DIABLO: variants seen among roughly 807,000 people sequenced by gnomAD.
DIABLO encodes the protein diablo homolog, mitochondrial.
In DIABLO, 32 loss-of-function variants were observed where a neutral mutation model predicts 31.7. The observed-to-expected ratio is 1.01, with a 90% CI of 0.76 to 1.35. The LOEUF is 1.35. DIABLO is among the 40% of genes most tolerant of loss of function. The pLI is 0.00. For missense variants in DIABLO, 316 were observed against 286.4 expected, an observed-to-expected ratio of 1.10 and a Z score of -0.75; for synonymous variants, 132 against 103.2, an observed-to-expected ratio of 1.28 and a Z score of -1.69.
chr12:122,223,598 G>A (rs1954382355), intron 2 of DIABLO, among the ~76,000 whole-genome samples: 1 of 152,104 alleles, frequency 6.6e-6, no homozygotes, highest in South Asian at 2.1e-4. Context: ...TTAGCTCCAT[G>A]CTCCTCAGAC....
chr12:122,221,685 A>G (rs1954337794), intron 2 of DIABLO: 1 of 152,204 alleles, frequency 6.6e-6, no homozygotes, highest in African/African-American at 2.4e-5. Context: ...AGAGAGAGCC[A>G]TCGTGCCTAG....
At position 122,218,257 on chromosome 12, in the gene DIABLO, G is replaced by A. The variant is rs1222512925; in HGVS notation, c.315+9C>T. Reference sequence around the variant, plus strand: ...GGTTTAGAAGATCAAGAGTTAAGAGGAGACATACCTTAGTATATTCAGTAA... The same window carrying A: ...GGTTTAGAAGATCAAGAGTTAAGAGAAGACATACCTTAGTATATTCAGTAA... On this transcript the variant is annotated intron_variant, in intron 3 of 5. Coordinates refer to ENST00000464942, the MANE Select transcript of DIABLO (RefSeq NM_001371333.1). 4 of 1,614,030 alleles carry A rather than the reference G, an allele frequency of 2.5e-6. No homozygotes were observed. The highest frequency in any genetic ancestry group is 2.5e-6 in the Non-Finnish European group (3 of 1,179,942).
chr12:122,214,958 G>A (rs1391816286), intron 5 of DIABLO, among the ~76,000 whole-genome samples: 3 of 152,070 alleles, frequency 2.0e-5, no homozygotes, highest in African/African-American at 7.2e-5. Flanking sequence ...GCCCTCCTTG[G>A]CCCCCCAAAG....
At chr12:122,217,598 T>C (rs1009781606) in intron 3 of DIABLO, 5 of 154,590 alleles carry the variant, frequency 3.2e-5, no homozygotes, top group African/African-American at 9.7e-5. Context: ...CACTGTAATC[T>C]CAAACTCCTA....
At chr12:122,213,986 G>A (rs1334381934) in intron 5 of DIABLO, among the ~76,000 whole-genome samples, 3 of 152,116 alleles carry the variant, frequency 2.0e-5, no homozygotes, top group Non-Finnish European at 4.4e-5. Context: ...TCAGGAGGCA[G>A]AGGCAAGAGA....
chr12:122,225,609 C>T lies in DIABLO; in HGVS notation c.50+356G>A, dbSNP rs1267700976. On this transcript the variant is annotated intron_variant, in intron 1 of 5. Transcript: ENST00000464942. The stretch of plus-strand genomic sequence containing the variant: ...CCTCGGGAGGACGTCTTCAGACGCT[C>T]GTCTCCCTTCCCGGACTCCCCCCAT... The T allele has an allele frequency of 4.9e-6, 6 of 1,235,150 alleles. No individual in the cohort carries two copies. The African/African-American group carries it at 9.4e-5, about 19-fold the overall frequency. The allele number at this position is 1,235,150 out of a possible 1,614,324, so 76.5% of individuals were successfully genotyped here. A position where few individuals can be genotyped will look rare whatever the true frequency, so the allele number is the denominator to read the frequency against.
In DIABLO at chr12:122,207,823, T is replaced by C. The variant is rs1228506439; in HGVS notation, c.*558A>G. The C allele has an allele frequency of 2.2e-6, 1 of 463,254 alleles. No homozygotes were observed. The highest frequency in any genetic ancestry group is 6.8e-5 in the East Asian group (1 of 14,696). The allele number at this position is 463,254 out of a possible 1,614,324, so 28.7% of individuals were successfully genotyped here. ...TGTTGAGAGCACCAGGTAAACACTCTGCACCCCTTCTCTTAGTAGTAATAG... is the reference window on the plus strand; with the variant it reads ...TGTTGAGAGCACCAGGTAAACACTCCGCACCCCTTCTCTTAGTAGTAATAG... On this transcript the variant is annotated 3_prime_UTR_variant, in exon 6 of 6. Coordinates refer to ENST00000464942, the MANE Select transcript of DIABLO (RefSeq NM_001371333.1).
At chr12:122,216,891 G>A in intron 3 of DIABLO, 22 bp from the exon 4 acceptor site, 1 of 1,586,472 alleles carries the variant, frequency 6.3e-7, no homozygotes, top group Non-Finnish European at 8.6e-7. Context: ...GAATGAACAA[G>A]TCTGAGTAAA....
rs1428559526 is a variant in DIABLO, at chr12:122,216,746, A to G, written c.426+13T>C. The G allele has an allele frequency of 1.2e-6, 2 of 1,611,522 alleles. No individual in the cohort carries two copies. Among genetic ancestry groups the G allele is most frequent in the East Asian group, 2.2e-5 (1 of 44,874 alleles). On this transcript the variant is annotated intron_variant, in intron 4 of 5. Coordinates refer to ENST00000464942, the MANE Select transcript of DIABLO (RefSeq NM_001371333.1). ...GTGCACTAACACAGAAATGCCTAGA[A>G]CTTTCTGCTTACCTCAGCTCTGGCT... is the stretch of plus-strand genomic sequence containing the variant.
At chr12:122,213,235 A>AG (rs936847812) in intron 5 of DIABLO, among the ~76,000 whole-genome samples, 1 of 151,924 alleles carries the variant, frequency 6.6e-6, no homozygotes, top group African/African-American at 2.4e-5. Context: ...TGGTTAAAAA[A>AG]GTGAAATCAT....
At chr12:122,227,280 C>A (rs1256081508), upstream of DIABLO, 28 of 423,508 alleles carry the variant, frequency 6.6e-5, 1 homozygote, top group South Asian at 4.7e-4. Context: ...AACCCTACAA[C>A]ACCTCCAATG....
chr12:122,224,924 C>G (rs1954418570), intron 1 of DIABLO: 2 of 1,051,116 alleles, frequency 1.9e-6, no homozygotes, highest in Admixed American at 6.1e-5. Flanking sequence ...GCCTGGGCAA[C>G]ATGGCTGGCA....
At chr12:122,226,652 C>A, upstream of DIABLO, 1 of 639,202 alleles carries the variant, frequency 1.6e-6, no homozygotes, top group Non-Finnish European at 2.8e-6. Flanking sequence ...GAGGTCCTGG[C>A]CCTCGAAACA....
chr12:122,208,704 T>G (rs1398360691), intron 5 of DIABLO, 127 bp from the exon 6 acceptor site: 2 of 891,630 alleles, frequency 2.2e-6, no homozygotes, highest in Middle Eastern at 4.2e-4. Context: ...TTGACCTCCC[T>G]GTCTTCTCTC....
At chr12:122,226,323 C>T, upstream of DIABLO, 1 of 661,558 alleles carries the variant, frequency 1.5e-6, no homozygotes, top group Non-Finnish European at 2.7e-6. Flanking sequence ...GGCGGGGACT[C>T]AGTTCGGGCC....
Position 122,225,547 on chromosome 12 carries a change from T to C in DIABLO, c.50+418A>G. The C allele has an allele frequency of 4.4e-6, 5 of 1,146,558 alleles. 1 individual carries two copies. The highest frequency in any genetic ancestry group is 5.4e-6 in the Non-Finnish European group (5 of 924,622). The allele number at this position is 1,146,558 out of a possible 1,614,324, so 71.0% of individuals were successfully genotyped here. The stretch of plus-strand genomic sequence containing the variant: ...TCGCCCAGGAGCCTGCAGCGCTAGG[T>C]AGAGAGCCCTGCGCCAGCTCCCCCG... On this transcript the variant is annotated intron_variant, in intron 1 of 5. Coordinates refer to ENST00000464942, the MANE Select transcript of DIABLO (RefSeq NM_001371333.1).
intron 2 of DIABLO, chr12:122,221,521 G>C (rs1348290101): frequency 2.0e-5 from 3 of 152,096 alleles, no homozygotes; most frequent in African/African-American, 7.2e-5. Context: ...TCATCCTCCT[G>C]CCTCCCAGGT....
At chr12:122,222,162 C>T (rs1954346769) in intron 2 of DIABLO, 1 of 152,158 alleles carries the variant, frequency 6.6e-6, no homozygotes, top group Admixed American at 6.5e-5. Flanking sequence ...ACTTTTATAT[C>T]AACTACTTAA....
intron 4 of DIABLO, 43 bp downstream of exon 4, chr12:122,216,716 G>C: frequency 6.4e-7 from 1 of 1,573,186 alleles, no homozygotes. Context: ...TACCACATGA[G>C]GTAGGTGCAC....
Sources: allele counts gnomAD v4.1 joint callset (sites outside exome capture counted in the v4.1 genomes callset), GRCh38; gene constraint gnomAD v4.1.1; transcripts MANE v1.5; gene names NCBI Gene and HGNC (gene_info 2026-07-23, HGNC 2026-07-21).